Variants in TTC28 observed in about 807,000 individuals in gnomAD.
TTC28 encodes tetratricopeptide repeat protein 28.
TTC28 carries 61 observed loss-of-function variants against 198.0 expected under a neutral mutation model. That is an observed-to-expected ratio of 0.31 (90% confidence interval 0.25 to 0.38). TTC28 has a LOEUF of 0.38. Ranked by LOEUF, TTC28 falls within the 10% of genes least tolerant of loss-of-function variation. The pLI is 1.00. For synonymous variants in TTC28, 1,171 were observed against 1,297.8 expected (o/e 0.90, Z 2.10); for missense variants, 2,678 against 3,164.0 (o/e 0.85, Z 3.69).
intron 2 of TTC28, among the ~76,000 whole-genome samples, chr22:28,328,579 C>T (rs2045567086): frequency 6.6e-6 from 1 of 151,560 alleles, no homozygotes; most frequent in South Asian, 2.1e-4. Context: ...CCCGGTGAAA[C>T]CACGTCTCTA....
At chr22:28,166,410 C>G (rs992353849) in intron 5 of TTC28, among the ~76,000 whole-genome samples, 2 of 152,176 alleles carry the variant, frequency 1.3e-5, no homozygotes, top group Admixed American at 6.5e-5. Flanking sequence ...CCAAAATTGA[C>G]CACATGGTTG....
chr22:27,999,344 G>T, intron 15 of TTC28, 84 bp from the exon 16 acceptor site: 1 of 1,459,884 alleles, frequency 6.8e-7, no homozygotes. Context: ...CACAGGGACG[G>T]CCAGCTCTCT....
At chr22:28,118,513 C>CT (rs1286470742) in intron 6 of TTC28, among the ~76,000 whole-genome samples, 2 of 151,942 alleles carry the variant, frequency 1.3e-5, no homozygotes, top group Non-Finnish European at 2.9e-5. Flanking sequence ...TTTAGCATAC[C>CT]TTCTCTATGT....
At chr22:28,383,689 T>A (rs78217913) in intron 2 of TTC28, among the ~76,000 whole-genome samples, 1 of 152,124 alleles carries the variant, frequency 6.6e-6, no homozygotes, top group Non-Finnish European at 1.5e-5. Context: ...CAAAAAGATA[T>A]CTAGAACGCA....
intron 1 of TTC28, among the ~76,000 whole-genome samples, chr22:28,633,660 G>A (rs1311709272): frequency 6.6e-6 from 1 of 152,104 alleles, no homozygotes; most frequent in Non-Finnish European, 1.5e-5. Flanking sequence ...AATAATTTTG[G>A]TTCAATGCCA....
At chr22:28,556,228 C>T (rs1343553887) in intron 2 of TTC28, among the ~76,000 whole-genome samples, 3 of 152,198 alleles carry the variant, frequency 2.0e-5, no homozygotes, top group East Asian at 1.9e-4. Flanking sequence ...CATGGTGGCA[C>T]ATCTCTGTAG....
intron 2 of TTC28, among the ~76,000 whole-genome samples, chr22:28,569,883 A>G (rs1018545088): frequency 2.0e-5 from 3 of 152,202 alleles, no homozygotes; most frequent in Non-Finnish European, 4.4e-5. Context: ...TCATTTAAAA[A>G]TGGGCAGAGG....
At chr22:28,435,558 G>C (rs1457879665) in intron 2 of TTC28, among the ~76,000 whole-genome samples, 2 of 152,222 alleles carry the variant, frequency 1.3e-5, no homozygotes, top group African/African-American at 4.8e-5. Context: ...CGGGATTTCA[G>C]GTTTTCCACA....
At chr22:28,433,039 A>G (rs528706887) in intron 2 of TTC28, among the ~76,000 whole-genome samples, 11 of 152,298 alleles carry the variant, frequency 7.2e-5, no homozygotes, top group African/African-American at 2.6e-4. Flanking sequence ...AGCTACATCA[A>G]GTGGTTATAT....
intron 13 of TTC28, among the ~76,000 whole-genome samples, chr22:28,022,068 A>G (rs528986469): frequency 1.1e-4 from 17 of 152,354 alleles, no homozygotes; most frequent in Admixed American, 4.6e-4. Flanking sequence ...AGGCAGCAAC[A>G]TCAGGGGCAA....
At chr22:28,276,669 C>T (rs2145723151) in intron 5 of TTC28, among the ~76,000 whole-genome samples, 1 of 152,230 alleles carries the variant, frequency 6.6e-6, no homozygotes, top group Non-Finnish European at 1.5e-5. Flanking sequence ...GTGCTAAATA[C>T]TTTATCACAG....
At chr22:28,307,154 T>G (rs1410805868) in intron 2 of TTC28, among the ~76,000 whole-genome samples, 6 of 152,222 alleles carry the variant, frequency 3.9e-5, no homozygotes, top group Non-Finnish European at 2.9e-5. Flanking sequence ...CTACTTACTT[T>G]TAATATGTTG....
intron 2 of TTC28, among the ~76,000 whole-genome samples, chr22:28,581,502 G>A (rs2050233593): frequency 1.3e-5 from 2 of 152,182 alleles, no homozygotes; most frequent in Admixed American, 1.3e-4. Flanking sequence ...ATTCAGTGAA[G>A]AAAAGTCTAA....
chr22:28,446,016 G>A (rs2047695516), intron 2 of TTC28, among the ~76,000 whole-genome samples: 1 of 152,070 alleles, frequency 6.6e-6, no homozygotes, highest in Admixed American at 6.6e-5. Flanking sequence ...ATCAATATTT[G>A]TTGAATAAAA....
At chr22:28,560,463 C>T (rs1184438853) in intron 2 of TTC28, among the ~76,000 whole-genome samples, 1 of 152,164 alleles carries the variant, frequency 6.6e-6, no homozygotes, top group Non-Finnish European at 1.5e-5. Context: ...TTACAAGGTC[C>T]TGTAACTTAT....
chr22:28,330,904 T>C (rs2145873717), intron 2 of TTC28, among the ~76,000 whole-genome samples: 1 of 152,318 alleles, frequency 6.6e-6, no homozygotes, highest in East Asian at 1.9e-4. Context: ...TACAAAGGAA[T>C]TGTATTCCAA....
At chr22:28,510,074 A>C (rs1339137272) in intron 2 of TTC28, among the ~76,000 whole-genome samples, 1 of 152,214 alleles carries the variant, frequency 6.6e-6, no homozygotes, top group Non-Finnish European at 1.5e-5. Flanking sequence ...GACCAGACAG[A>C]TCCACAGGCT....
chr22:28,016,065 T>C (rs1032567621), intron 13 of TTC28, among the ~76,000 whole-genome samples: 1 of 151,938 alleles, frequency 6.6e-6, no homozygotes, highest in Non-Finnish European at 1.5e-5. Flanking sequence ...AATTCTAGGG[T>C]CATGCCAAGC....
intron 19 of TTC28, among the ~76,000 whole-genome samples, chr22:27,992,010 G>A (rs1937430651): frequency 1.3e-5 from 2 of 151,556 alleles, no homozygotes; most frequent in Non-Finnish European, 2.9e-5. Flanking sequence ...AGCCATCCTG[G>A]TGGGCTGGCC....
Sources: gnomAD v4.1 joint callset for allele counts (sites outside exome capture counted in the v4.1 genomes callset) on GRCh38, gnomAD v4.1.1 for gene constraint, MANE v1.5 for transcripts, NCBI Gene and HGNC (gene_info 2026-07-23, HGNC 2026-07-21) for gene names.